Variants in ERC2 observed in about 807,000 individuals in gnomAD.
ERC2 encodes the protein ELKS/RAB6-interacting/CAST family member 2.
A neutral mutation model predicts 114.8 loss-of-function variants in ERC2; 42 were observed. The observed-to-expected ratio is 0.37, with a 90% CI of 0.29 to 0.47. The LOEUF is 0.47. Among genes scored for constraint, ERC2 ranks in the 20% least tolerant of loss-of-function variants. The pLI is 0.99. For missense variants in ERC2, 939 were observed against 1,150.7 expected, an observed-to-expected ratio of 0.82 and a Z score of 2.66; for synonymous variants, 454 against 425.5, an observed-to-expected ratio of 1.07 and a Z score of -0.82.
At chr3:55,529,381 G>A (rs2053532730) in intron 17 of ERC2, among the ~76,000 whole-genome samples, 1 of 152,124 alleles carries the variant, frequency 6.6e-6, no homozygotes, top group Non-Finnish European at 1.5e-5. Context: ...AGTCAGTGAG[G>A]GTGTACGGAA....
At chr3:55,778,185 T>C (rs2068764446) in intron 14 of ERC2, among the ~76,000 whole-genome samples, 10 of 152,210 alleles carry the variant, frequency 6.6e-5, no homozygotes, top group Admixed American at 6.5e-4. Flanking sequence ...TGTGTATGTA[T>C]ATATGTAAAT....
chr3:55,794,489 G>T (rs1325786028), intron 14 of ERC2, among the ~76,000 whole-genome samples: 1 of 151,986 alleles, frequency 6.6e-6, no homozygotes, highest in Non-Finnish European at 1.5e-5. Context: ...GTGAAGACTT[G>T]GTTTTAATTG....
At chr3:56,251,655 T>C (rs1365728685) in intron 3 of ERC2, among the ~76,000 whole-genome samples, 2 of 152,256 alleles carry the variant, frequency 1.3e-5, no homozygotes, top group Admixed American at 1.3e-4. Flanking sequence ...TCCCAAAGTA[T>C]ATTTCTTGAT....
At chr3:55,732,806 A>G (rs1050299038) in intron 15 of ERC2, among the ~76,000 whole-genome samples, 11 of 152,226 alleles carry the variant, frequency 7.2e-5, no homozygotes, top group Non-Finnish European at 1.6e-4. Context: ...AACCATTGGT[A>G]TATACACAAT....
Position 56,173,455 on chromosome 3 carries a change from G to A in ERC2, c.1140C>T (p.Ile380=), listed in dbSNP as rs1350866004. Residue 380 remains isoleucine, a synonymous_variant, in exon 4 of 18, where the codon ATC becomes ATT. Coordinates refer to ENST00000288221, the MANE Select transcript of ERC2 (RefSeq NM_015576.3). ...AGTGCACAGTTCCTACCTTCATTTC[G>A]ATGACAGTCTGGAGAGCCTTCGTCT... The part of the protein sequence containing the change: ...PAKTKALQTV[I]EMKDTKIASL... The A allele has an allele frequency of 9.3e-6, 15 of 1,613,672 alleles. No individual in the cohort carries two copies. Among genetic ancestry groups the A allele is most frequent in the Non-Finnish European group, 1.2e-5 (14 of 1,179,792 alleles).
At chr3:56,421,651 A>G (rs1428622161) in intron 2 of ERC2, among the ~76,000 whole-genome samples, 1 of 152,206 alleles carries the variant, frequency 6.6e-6, no homozygotes, top group Non-Finnish European at 1.5e-5. Context: ...AATAAGAGTG[A>G]TAGAGATGTG....
At chr3:56,292,132 T>C (rs1405644628) in intron 3 of ERC2, among the ~76,000 whole-genome samples, 21 of 152,196 alleles carry the variant, frequency 1.4e-4, no homozygotes, top group Admixed American at 1.4e-3. Context: ...AAATGACTAA[T>C]GCATATTTGC....
In ERC2 at chr3:55,699,519, A is replaced by G. The variant is rs372417787; in HGVS notation, c.2713-7T>C. ...ACTTCATTCTGTTCTGGGTCTGTGC[A>G]GAACAAAAACCAAGGAAGATTCCAT... On this transcript the variant is annotated splice_polypyrimidine_tract_variant and splice_region_variant and intron_variant, in intron 15 of 17. Transcript: ENST00000288221. 2 of 1,597,284 alleles carry G rather than the reference A, an allele frequency of 1.3e-6. No homozygotes were observed. Among genetic ancestry groups the G allele is most frequent in the Non-Finnish European group, 1.7e-6 (2 of 1,168,356 alleles).
At chr3:56,092,423 G>A (rs2077843838) in intron 6 of ERC2, among the ~76,000 whole-genome samples, 1 of 152,120 alleles carries the variant, frequency 6.6e-6, no homozygotes, top group African/African-American at 2.4e-5. Context: ...CTAAAATTAG[G>A]TGGTTTTAAG....
At position 56,198,152 on chromosome 3, in the gene ERC2, C is replaced by G. The variant is rs184616552; in HGVS notation, c.1075-24632G>C. Among the ~76,000 whole-genome samples the G allele has an allele frequency of 8.5e-5, 13 of 152,336 alleles. No homozygotes were observed. The East Asian group carries it at 2.5e-3, about 29-fold the overall frequency. Reference sequence around the variant, plus strand: ...ATTTGTCCATTCTGGACACATAACACTGGCACAGAGCCCAGAACAGAGGAA... The same window carrying G: ...ATTTGTCCATTCTGGACACATAACAGTGGCACAGAGCCCAGAACAGAGGAA... On this transcript the variant is annotated intron_variant, in intron 3 of 17. Transcript: ENST00000288221.
At chr3:55,982,482 A>T (rs564996188) in intron 12 of ERC2, among the ~76,000 whole-genome samples, 22 of 152,338 alleles carry the variant, frequency 1.4e-4, no homozygotes, top group Non-Finnish European at 3.1e-4. Flanking sequence ...CTAAAAAAAA[A>T]AAGTAATTAA....
At chr3:55,797,497 C>G (rs1176442186) in intron 14 of ERC2, among the ~76,000 whole-genome samples, 1 of 152,182 alleles carries the variant, frequency 6.6e-6, no homozygotes, top group African/African-American at 2.4e-5. Context: ...AGAAAAATAT[C>G]TCCATTTCAG....
intron 14 of ERC2, among the ~76,000 whole-genome samples, chr3:55,802,643 C>A (rs1485829111): frequency 2.6e-5 from 4 of 152,172 alleles, no homozygotes; most frequent in African/African-American, 7.2e-5. Flanking sequence ...ATTTTAAACT[C>A]CTGTCCTATA....
At chr3:56,270,987 A>G (rs2053621991) in intron 3 of ERC2, among the ~76,000 whole-genome samples, 1 of 152,212 alleles carries the variant, frequency 6.6e-6, no homozygotes, top group Non-Finnish European at 1.5e-5. Flanking sequence ...ATCTCAAAAA[A>G]CAAAACAAAA....
intron 7 of ERC2, among the ~76,000 whole-genome samples, chr3:56,048,501 T>C (rs1168978871): frequency 6.6e-6 from 1 of 152,176 alleles, no homozygotes; most frequent in East Asian, 1.9e-4. Flanking sequence ...CAAGAACAGC[T>C]CTTCTGTAAG....
At chr3:56,240,626 G>A (rs1202079021) in intron 3 of ERC2, among the ~76,000 whole-genome samples, 1 of 152,064 alleles carries the variant, frequency 6.6e-6, no homozygotes. Flanking sequence ...AGAAAATCTT[G>A]TAATAGCACC....
At chr3:55,815,275 G>GT (rs2059867340) in intron 14 of ERC2, among the ~76,000 whole-genome samples, 1 of 152,168 alleles carries the variant, frequency 6.6e-6, no homozygotes, top group Admixed American at 6.5e-5. Context: ...GTTCCCTACT[G>GT]TTACACCCAT....
intron 4 of ERC2, among the ~76,000 whole-genome samples, chr3:56,171,895 C>A (rs1407448158): frequency 3.6e-4 from 48 of 132,766 alleles, no homozygotes; most frequent in Middle Eastern, 4.7e-3. Flanking sequence ...TATATACATT[C>A]TCTTCTCCAT....
chr3:56,215,479 C>T (rs966588512), intron 3 of ERC2, among the ~76,000 whole-genome samples: 3 of 152,104 alleles, frequency 2.0e-5, no homozygotes, highest in African/African-American at 7.2e-5. Flanking sequence ...ACAGGAGCAC[C>T]CAGATTCATA....
Sources: allele counts gnomAD v4.1 joint callset (sites outside exome capture counted in the v4.1 genomes callset), GRCh38; gene constraint gnomAD v4.1.1; transcripts MANE v1.5; gene names NCBI Gene and HGNC (gene_info 2026-07-23, HGNC 2026-07-21).